The following ADD3 variants were observed in gnomAD, a reference collection of about 807,000 sequenced individuals.
ADD3 encodes gamma-adducin.
In ADD3, 25 loss-of-function variants were observed where a neutral mutation model predicts 80.2. The ratio of observed to expected loss-of-function variants is 0.31; its 90% CI spans 0.23 to 0.44. ADD3 has a LOEUF of 0.44. Ranked by LOEUF, ADD3 falls within the 20% of genes least tolerant of loss-of-function variation. The pLI is 1.00. For synonymous variants in ADD3, 284 were observed against 289.6 expected (o/e 0.98, Z 0.20); for missense variants, 829 against 847.5 (o/e 0.98, Z 0.27).
At position 110,133,797 on chromosome 10, in the gene ADD3, A is replaced by G; in HGVS notation, c.*179A>G. On this transcript the variant is annotated 3_prime_UTR_variant, in exon 15 of 15. Transcript: ENST00000356080. ...CTTTCAGATTCATCTCTCATTTTAT[A>G]TGTCCAGAAATGGCTTTGAATTTTA... is the stretch of plus-strand genomic sequence containing the variant. 1 of 474,156 alleles carries G rather than the reference A, an allele frequency of 2.1e-6. No individual in the cohort carries two copies. The highest frequency in any genetic ancestry group is 3.6e-6 in the Non-Finnish European group (1 of 278,004). 29.4% of individuals were successfully genotyped at this position (474,156 alleles called of 1,614,324 possible).
chr10:110,120,518 A>G (rs1323951468), intron 8 of ADD3, among the ~76,000 whole-genome samples: 6 of 152,070 alleles, frequency 3.9e-5, no homozygotes, highest in Non-Finnish European at 7.4e-5. Flanking sequence ...ATTGTGAATA[A>G]TGCCGCAATA....
intron 1 of ADD3, among the ~76,000 whole-genome samples, chr10:110,063,770 TATATATATATATAA>T (rs1420889186): frequency 5.2e-5 from 6 of 114,698 alleles, no homozygotes; most frequent in Admixed American, 2.4e-4. Flanking sequence ...TATATATATA[TATATATATATATAA>T]AGTGAACACC....
chr10:110,028,419 C>T (rs981324539), intron 1 of ADD3, among the ~76,000 whole-genome samples: 1 of 152,104 alleles, frequency 6.6e-6, no homozygotes. Flanking sequence ...CAAAAATTAG[C>T]TGGGCGTGGT....
intron 1 of ADD3, among the ~76,000 whole-genome samples, chr10:110,066,014 C>A (rs1173143067): frequency 2.0e-5 from 3 of 152,072 alleles, no homozygotes; most frequent in Non-Finnish European, 4.4e-5. Flanking sequence ...ATAGCATCTT[C>A]CTTTCTCATG....
At chr10:110,042,069 T>C (rs1856431611) in intron 1 of ADD3, among the ~76,000 whole-genome samples, 1 of 152,242 alleles carries the variant, frequency 6.6e-6, no homozygotes, top group Non-Finnish European at 1.5e-5. Context: ...TTTATGACTT[T>C]ATTTGTTGTA....
intron 2 of ADD3, chr10:110,106,109 A>G (rs1849370150): frequency 6.6e-6 from 1 of 151,664 alleles, no homozygotes; most frequent in East Asian, 1.9e-4. Context: ...ACATAATTAT[A>G]GGGTGCCTTG....
At chr10:110,123,427 G>C (rs60628834) in intron 9 of ADD3, among the ~76,000 whole-genome samples, 9 of 151,880 alleles carry the variant, frequency 5.9e-5, no homozygotes. Flanking sequence ...ATGCCATCTC[G>C]TGCTTTAATT....
intron 1 of ADD3, among the ~76,000 whole-genome samples, chr10:110,093,491 C>G (rs1847798283): frequency 6.6e-6 from 1 of 152,166 alleles, no homozygotes; most frequent in South Asian, 2.1e-4. Context: ...AGAGCACAGT[C>G]AATGTCATTT....
At chr10:110,021,359 C>G (rs1393619697) in intron 1 of ADD3, among the ~76,000 whole-genome samples, 1 of 152,174 alleles carries the variant, frequency 6.6e-6, no homozygotes, top group Non-Finnish European at 1.5e-5. Flanking sequence ...CAGCACTTCT[C>G]ATAGGTATAT....
rs976815989 is a variant in ADD3, at chr10:110,134,133, G to T, written c.*515G>T. ...ACACTGGCACATAATTTTTTAAAAAGTTTTAAGAAAAGATTCATTTGGAAT... is the reference window on the plus strand; with the variant it reads ...ACACTGGCACATAATTTTTTAAAAATTTTTAAGAAAAGATTCATTTGGAAT... On this transcript the variant is annotated 3_prime_UTR_variant, in exon 15 of 15. Transcript: ENST00000356080. The T allele has an allele frequency of 5.9e-5, 9 of 152,574 alleles. No homozygotes were observed. The highest frequency in any genetic ancestry group is 2.6e-4 in the Admixed American group (4 of 15,280). 9.5% of individuals were successfully genotyped at this position (152,574 alleles called of 1,614,324 possible). A position where few individuals can be genotyped will look rare whatever the true frequency, so the allele number is the denominator to read the frequency against.
chr10:110,128,049 A>AT (rs71486096), intron 12 of ADD3, among the ~76,000 whole-genome samples: 1,564 of 105,992 alleles, frequency 0.015, 17 homozygotes, highest in Middle Eastern at 0.023. Flanking sequence ...TTTGTTTAGG[A>AT]TTTTTTTTTT....
intron 1 of ADD3, among the ~76,000 whole-genome samples, chr10:110,052,167 AT>A (rs1208533840): frequency 2.0e-4 from 30 of 152,198 alleles, no homozygotes; most frequent in African/African-American, 7.2e-4. Flanking sequence ...TTGAAAAAAA[AT>A]GTACCAATAA....
intron 1 of ADD3, among the ~76,000 whole-genome samples, chr10:109,998,679 G>A (rs1851425747): frequency 6.6e-6 from 1 of 152,060 alleles, no homozygotes; most frequent in Admixed American, 6.6e-5. Flanking sequence ...TGACCACCAT[G>A]CCTTTCCCTC....
chr10:110,015,912 A>G (rs1415886121), intron 1 of ADD3, among the ~76,000 whole-genome samples: 1 of 152,162 alleles, frequency 6.6e-6, no homozygotes, highest in Non-Finnish European at 1.5e-5. Context: ...GGAACATTTT[A>G]TGCCTCAATA....
At chr10:110,067,683 G>A (rs1844143103) in intron 1 of ADD3, among the ~76,000 whole-genome samples, 1 of 152,124 alleles carries the variant, frequency 6.6e-6, no homozygotes, top group African/African-American at 2.4e-5. Flanking sequence ...TACTTTATGG[G>A]GATCTTGTAG....
chr10:110,099,754 A>G (rs1299452657), intron 1 of ADD3, among the ~76,000 whole-genome samples: 6 of 152,246 alleles, frequency 3.9e-5, no homozygotes, highest in Non-Finnish European at 8.8e-5. Context: ...AGAATTCTGT[A>G]TATACATGAT....
chr10:110,119,117 C>G, intron 6 of ADD3, 94 bp from the exon 7 acceptor site: 2 of 1,344,632 alleles, frequency 1.5e-6, no homozygotes, highest in South Asian at 1.3e-5. Context: ...AGTGAATAGG[C>G]CAGTGTTTTC....
intron 1 of ADD3, chr10:109,997,605 T>C (rs1440651505): frequency 1.3e-5 from 2 of 152,236 alleles, no homozygotes; most frequent in South Asian, 4.1e-4. Context: ...GAAGGGACTC[T>C]AGGATTCTTT....
In ADD3 at chr10:110,119,390, TTGC is replaced by T. The variant is rs765964612; in HGVS notation, c.861+45_861+47del. On this transcript the variant is annotated intron_variant, in intron 7 of 14. Coordinates refer to ENST00000356080, the MANE Select transcript of ADD3 (RefSeq NM_016824.5). ...GAGTTTGTCTAAGGAGCTATTTTTG[TTGC>T]TGCTGCTGTTGATGAAAACAGTGTG... The T allele has an allele frequency of 1.1e-5, 18 of 1,613,156 alleles. No individual in the cohort carries two copies. In the South Asian group the frequency reaches 1.6e-4, roughly 15 times the overall value.
Sources: gnomAD v4.1 joint callset for allele counts (sites outside exome capture counted in the v4.1 genomes callset) on GRCh38, gnomAD v4.1.1 for gene constraint, MANE v1.5 for transcripts, NCBI Gene and HGNC (gene_info 2026-07-23, HGNC 2026-07-21) for gene names.